Variants in PTPRD observed in about 807,000 individuals in gnomAD.
PTPRD encodes protein tyrosine phosphatase receptor type D.
Under a neutral mutation model 214.5 loss-of-function variants are expected in PTPRD, and 34 were observed. That is an observed-to-expected ratio of 0.16 (90% CI 0.12 to 0.21). The LOEUF (loss-of-function observed/expected upper bound fraction) is 0.21. Ranked by LOEUF, PTPRD falls within the 10% of genes least tolerant of loss-of-function variation. The pLI is 1.00. For synonymous variants in PTPRD, 1,128 were observed against 845.7 expected (o/e 1.33, Z -5.79); for missense variants, 2,545 against 2,398.7 (o/e 1.06, Z -1.27).
intron 11 of PTPRD, among the ~76,000 whole-genome samples, chr9:8,968,466 A>G (rs921394182): frequency 2.6e-5 from 4 of 151,784 alleles, no homozygotes; most frequent in African/African-American, 9.7e-5. Context: ...GTGAGATGGT[A>G]TCTCATTGTG....
At position 8,696,518 on chromosome 9, in the gene PTPRD, G is replaced by C. The variant is rs141307092; in HGVS notation, c.64+37262C>G. Among the ~76,000 whole-genome samples the C allele has an allele frequency of 2.4e-3, 372 of 152,258 alleles. 5 individuals are homozygous for C. Among genetic ancestry groups the C allele is most frequent in the African/African-American group, 8.6e-3 (356 of 41,546 alleles). Reference sequence around the variant, plus strand: ...ATGAATTAGATAAACTTGGTGATTAGCAGAAGGAAGTAGAGGAGAGAGGTC... The same window carrying C: ...ATGAATTAGATAAACTTGGTGATTACCAGAAGGAAGTAGAGGAGAGAGGTC... On this transcript the variant is annotated intron_variant, in intron 12 of 45. Coordinates refer to ENST00000381196, the MANE Select transcript of PTPRD (RefSeq NM_002839.4).
At chr9:10,192,629 T>C (rs547751474) in intron 3 of PTPRD, among the ~76,000 whole-genome samples, 55 of 152,170 alleles carry the variant, frequency 3.6e-4, no homozygotes, top group Middle Eastern at 3.4e-3. Flanking sequence ...AAGATTTACA[T>C]AGGAAGACCA....
chr9:9,117,888 A>AAATG (rs1554813990), intron 10 of PTPRD, among the ~76,000 whole-genome samples: 13 of 152,192 alleles, frequency 8.5e-5, no homozygotes, highest in Non-Finnish European at 1.8e-4. Context: ...TTTAAAAAAA[A>AAATG]AAATGAAGGG....
In PTPRD at chr9:8,564,054, A is replaced by C. The variant is rs865922278; in HGVS notation, c.353-35275T>G. On this transcript the variant is annotated intron_variant, in intron 14 of 45. Coordinates refer to ENST00000381196, the MANE Select transcript of PTPRD (RefSeq NM_002839.4). ...TTTGAATTATGAATTTTGATGTCCCAGGCTAGAGATATGTGGTACGATACT... is the reference window on the plus strand; with the variant it reads ...TTTGAATTATGAATTTTGATGTCCCCGGCTAGAGATATGTGGTACGATACT... 1.1e-4 allele frequency among the ~76,000 whole-genome samples: 16 copies of C among 152,342 alleles called. No individual in the cohort carries two copies. In the South Asian group the frequency reaches 2.9e-3, roughly 28 times the overall value.
intron 5 of PTPRD, among the ~76,000 whole-genome samples, chr9:9,839,541 T>G (rs62533725): frequency 3.3e-5 from 5 of 151,818 alleles, no homozygotes; most frequent in South Asian, 4.2e-4. Flanking sequence ...CACTGCTCAA[T>G]GAAATAAAAG....
chr9:8,845,816 G>A (rs1174304280), intron 11 of PTPRD, among the ~76,000 whole-genome samples: 1 of 152,198 alleles, frequency 6.6e-6, no homozygotes, highest in Non-Finnish European at 1.5e-5. Flanking sequence ...GCTCTTGTGA[G>A]TCTGGCTTGC....
intron 14 of PTPRD, among the ~76,000 whole-genome samples, chr9:8,529,679 C>T (rs1035486909): frequency 2.6e-5 from 4 of 152,108 alleles, no homozygotes; most frequent in African/African-American, 9.7e-5. Context: ...ACTGACATTG[C>T]CAGCTCTTCT....
intron 2 of PTPRD, among the ~76,000 whole-genome samples, chr9:10,541,163 G>C (rs1259479699): frequency 6.6e-6 from 1 of 152,058 alleles, no homozygotes; most frequent in African/African-American, 2.4e-5. Flanking sequence ...CCCATAGATA[G>C]TGCCCTGTAA....
At chr9:9,221,412 C>T (rs987486184) in intron 9 of PTPRD, among the ~76,000 whole-genome samples, 9 of 152,116 alleles carry the variant, frequency 5.9e-5, no homozygotes, top group African/African-American at 2.2e-4. Context: ...TATTAGTTGG[C>T]TTGGGCTGCC....
chr9:8,477,664 T>A (rs1591532831), intron 30 of PTPRD, among the ~76,000 whole-genome samples: 1 of 152,232 alleles, frequency 6.6e-6, no homozygotes. Context: ...CCACTGACTT[T>A]ATTGCTTCAT....
intron 7 of PTPRD, among the ~76,000 whole-genome samples, chr9:9,708,363 G>C (rs1258972104): frequency 2.0e-5 from 3 of 151,984 alleles, no homozygotes; most frequent in Non-Finnish European, 4.4e-5. Flanking sequence ...GATAAGAGAA[G>C]AAACCCAAAT....
chr9:9,104,759 A>G (rs1222100465), intron 10 of PTPRD, among the ~76,000 whole-genome samples: 2 of 152,068 alleles, frequency 1.3e-5, no homozygotes, highest in Admixed American at 6.6e-5. Flanking sequence ...TCATTTTGTC[A>G]TTTCTTTGTT....
chr9:9,868,332 A>C (rs957369488), intron 5 of PTPRD, among the ~76,000 whole-genome samples: 55 of 152,182 alleles, frequency 3.6e-4, no homozygotes, highest in African/African-American at 1.3e-3. Flanking sequence ...AGTAGAGTAA[A>C]TTAAATACAG....
intron 10 of PTPRD, among the ~76,000 whole-genome samples, chr9:9,062,853 G>C (rs140919158): frequency 7.9e-5 from 12 of 152,210 alleles, no homozygotes; most frequent in Non-Finnish European, 1.0e-4. Context: ...CAGGCAGCTC[G>C]TAAACTTCAG....
chr9:8,992,750 C>T (rs1229468092), intron 11 of PTPRD, among the ~76,000 whole-genome samples: 2 of 152,082 alleles, frequency 1.3e-5, no homozygotes, highest in East Asian at 3.9e-4. Context: ...AAATATTTAT[C>T]AGAGGATTTT....
At chr9:9,860,220 T>A (rs1317150228) in intron 5 of PTPRD, among the ~76,000 whole-genome samples, 1 of 152,212 alleles carries the variant, frequency 6.6e-6, no homozygotes, top group Admixed American at 6.5e-5. Flanking sequence ...TGCCAATTAT[T>A]TTTTACTGTG....
At chr9:9,023,049 C>T (rs1184206607) in intron 10 of PTPRD, among the ~76,000 whole-genome samples, 1 of 152,088 alleles carries the variant, frequency 6.6e-6, no homozygotes, top group Non-Finnish European at 1.5e-5. Flanking sequence ...GTCAACATCC[C>T]AGATTTTTGT....
At chr9:9,316,408 G>C (rs1963145044) in intron 9 of PTPRD, among the ~76,000 whole-genome samples, 1 of 152,044 alleles carries the variant, frequency 6.6e-6, no homozygotes, top group African/African-American at 2.4e-5. Flanking sequence ...AGTACACATA[G>C]AGCTTCTGAA....
At chr9:10,527,355 T>C (rs868839008) in intron 2 of PTPRD, among the ~76,000 whole-genome samples, 75 of 152,146 alleles carry the variant, frequency 4.9e-4, no homozygotes, top group African/African-American at 1.6e-3. Context: ...TAGGTAACAA[T>C]AATTAGTGAC....
Sources: gnomAD v4.1 joint callset for allele counts (sites outside exome capture counted in the v4.1 genomes callset) on GRCh38, gnomAD v4.1.1 for gene constraint, MANE v1.5 for transcripts, NCBI Gene and HGNC (gene_info 2026-07-23, HGNC 2026-07-21) for gene names.